SDAD1: variants seen among roughly 807,000 people sequenced by gnomAD.
SDAD1 encodes protein SDA1 homolog.
SDAD1 carries 79 observed loss-of-function variants against 100.3 expected under a neutral mutation model. The observed-to-expected ratio is 0.79, with a 90% CI of 0.66 to 0.95. The LOEUF (loss-of-function observed/expected upper bound fraction) is 0.95, where lower values mean the gene tolerates loss of function less well. SDAD1 is among the 40% of genes least tolerant of loss of function. The probability of loss-of-function intolerance (pLI) is 0.00; values close to 1 mark genes in which losing one functional copy is unlikely to be tolerated. For missense variants in SDAD1, 790 were observed against 810.9 expected (o/e 0.97, Z 0.31); for synonymous variants, 267 against 271.4 (o/e 0.98, Z 0.16).
At chr4:75,961,459 T>C (rs1343794548) in intron 14 of SDAD1, 151 bp from the exon 15 acceptor site, 4 of 606,326 alleles carry the variant, frequency 6.6e-6, no homozygotes, top group Non-Finnish European at 1.2e-5. Context: ...TGTTAGAGAA[T>C]GTCAGGTAGG....
At chr4:75,970,178 A>G (rs1427965357) in intron 10 of SDAD1, 131 bp downstream of exon 10, 1 of 688,112 alleles carries the variant, frequency 1.5e-6, no homozygotes, top group East Asian at 2.6e-5. Context: ...ACAACCAACT[A>G]GTAACAACTA....
intron 3 of SDAD1, among the ~76,000 whole-genome samples, chr4:75,979,140 A>G (rs1371023656): frequency 6.6e-6 from 1 of 152,024 alleles, no homozygotes; most frequent in East Asian, 1.9e-4. Flanking sequence ...TTATAATGTC[A>G]ATGAAATACA....
intron 4 of SDAD1, among the ~76,000 whole-genome samples, chr4:75,977,076 CCA>C (rs1339617557): frequency 6.6e-6 from 1 of 152,186 alleles, no homozygotes; most frequent in Admixed American, 6.6e-5. Context: ...TAGGTGTGAG[CCA>C]CAGTGTCCAG....
intron 21 of SDAD1, among the ~76,000 whole-genome samples, chr4:75,955,047 C>T (rs1456794857): frequency 6.6e-6 from 1 of 152,178 alleles, no homozygotes; most frequent in Non-Finnish European, 1.5e-5. Flanking sequence ...TTTGCTGCAA[C>T]TGTTACTGCT....
At chr4:75,970,864 C>T (rs1424082882) in intron 9 of SDAD1, among the ~76,000 whole-genome samples, 1 of 152,190 alleles carries the variant, frequency 6.6e-6, no homozygotes, top group African/African-American at 2.4e-5. Flanking sequence ...CTCCCCTTTG[C>T]CTTTCCCCAT....
At position 75,950,555 on chromosome 4, in the gene SDAD1, C is replaced by G. The variant is rs1728575283; in HGVS notation, c.*195G>C. The stretch of plus-strand genomic sequence containing the variant: ...TAAATGAAATGATTTTACATTACCA[C>G]CACTATTTACATTAACATTCCTACC... On this transcript the variant is annotated 3_prime_UTR_variant, in exon 22 of 22. Coordinates refer to ENST00000356260, the MANE Select transcript of SDAD1 (RefSeq NM_018115.4). 1 of 472,862 alleles carries G rather than the reference C, an allele frequency of 2.1e-6. No homozygotes were observed. The highest frequency in any genetic ancestry group is 3.0e-5 in the East Asian group (1 of 33,190). The allele number at this position is 472,862 out of a possible 1,614,324, so 29.3% of individuals were successfully genotyped here.
Position 75,986,888 on chromosome 4 carries a change from C to A in SDAD1, c.90+3864G>T, listed in dbSNP as rs181325969. Among the ~76,000 whole-genome samples, 33 of 152,032 alleles carry A rather than the reference C, an allele frequency of 2.2e-4. No homozygotes were observed. In the East Asian group the frequency reaches 6.4e-3, roughly 29 times the overall value. ...AAAAATCAACTGGGAATGGTGGTTG[C>A]ACACTTGTGGTCCCAGCTACCCTGG... On this transcript the variant is annotated intron_variant, in intron 1 of 21. Transcript: ENST00000356260.
rs904819997 is a variant in SDAD1, at chr4:75,990,283, C to A, written c.90+469G>T. Among the ~76,000 whole-genome samples the A allele has an allele frequency of 2.7e-5, 4 of 149,744 alleles. 1 individual carries two copies. The highest frequency in any genetic ancestry group is 7.4e-5 in the African/African-American group (3 of 40,302). On this transcript the variant is annotated intron_variant, in intron 1 of 21. Transcript: ENST00000356260. ...CCGTTGTGCTTGAGAAACCCCCCCC[C>A]CCCCTTTCCTGGCACAGTCCAGGGT... is the stretch of plus-strand genomic sequence containing the variant.
At chr4:75,965,110 A>G (rs1729462585) in intron 13 of SDAD1, among the ~76,000 whole-genome samples, 1 of 152,174 alleles carries the variant, frequency 6.6e-6, no homozygotes, top group Non-Finnish European at 1.5e-5. Flanking sequence ...AATATTGCTG[A>G]ATTCTTTTTC....
intron 13 of SDAD1, 83 bp downstream of exon 13, chr4:75,965,667 ATTATCGGGGGCAGG>A: frequency 1.1e-6 from 1 of 935,422 alleles, no homozygotes; most frequent in Non-Finnish European, 1.7e-6. Context: ...CCCACGTTGA[ATTATCGGGGGCAGG>A]TTCCCCCGAT....
chr4:75,979,825 T>G (rs1417634031), intron 3 of SDAD1, among the ~76,000 whole-genome samples: 1 of 152,050 alleles, frequency 6.6e-6, no homozygotes, highest in Non-Finnish European at 1.5e-5. Flanking sequence ...CATACACATT[T>G]TTTTCCATTT....
chr4:75,978,924 AGCTAAGATC>A (rs1416372216), intron 3 of SDAD1, among the ~76,000 whole-genome samples: 1 of 136,060 alleles, frequency 7.3e-6, no homozygotes, highest in Non-Finnish European at 1.5e-5. Flanking sequence ...GGCTGCGGTG[AGCTAAGATC>A]GTACCACTGT....
chr4:75,977,563 G>T, intron 4 of SDAD1, 83 bp downstream of exon 4: 1 of 862,518 alleles, frequency 1.2e-6, no homozygotes. Context: ...TATTAACAAT[G>T]TAAAGCATCG....
chr4:75,955,617 T>C (rs1048778069), intron 21 of SDAD1, among the ~76,000 whole-genome samples: 2 of 152,192 alleles, frequency 1.3e-5, no homozygotes, highest in Non-Finnish European at 2.9e-5. Context: ...TCAATTAATT[T>C]TGATATTATA....
chr4:75,973,303 A>G lies in SDAD1; in HGVS notation c.711+14T>C. ...TAAAAGGTAAGATTCAGAAGCAGCT[A>G]TGATTAAACTAACCTCAGATTCGGA... On this transcript the variant is annotated intron_variant, in intron 8 of 21. Coordinates refer to ENST00000356260, the MANE Select transcript of SDAD1 (RefSeq NM_018115.4). 1 of 1,598,534 alleles carries G rather than the reference A, an allele frequency of 6.3e-7. No homozygotes were observed.
In SDAD1 at chr4:75,977,712, G is replaced by A. The variant is rs752326370; in HGVS notation, c.339C>T (p.Ile113=). 2.4e-5 allele frequency: 38 copies of A among 1,613,138 alleles called. No homozygotes were observed. The highest frequency in any genetic ancestry group is 3.1e-5 in the Non-Finnish European group (37 of 1,179,620). Residue 113 remains isoleucine (I), a synonymous_variant, in exon 4 of 22, where the codon ATC becomes ATT. Transcript: ENST00000356260. ...AGAGTTCTAGCAGGCTTGATGGATT[G>A]ATGAGATTCTTATTTCTCAGCAAGA... The part of the protein sequence containing the change: ...ALILLRNKNL[I]NPSSLLELFF...
chr4:75,952,485 A>G (rs374883353), intron 21 of SDAD1, among the ~76,000 whole-genome samples: 1 of 151,844 alleles, frequency 6.6e-6, no homozygotes, highest in South Asian at 2.1e-4. Context: ...CTCCTTCCCT[A>G]TCGTATGCTT....
intron 17 of SDAD1, among the ~76,000 whole-genome samples, chr4:75,958,252 T>C (rs1231705157): frequency 6.6e-6 from 1 of 152,176 alleles, no homozygotes; most frequent in Non-Finnish European, 1.5e-5. Context: ...TAAAAAGGCA[T>C]CCTACACTGA....
intron 14 of SDAD1, among the ~76,000 whole-genome samples, chr4:75,962,565 T>C (rs1454070915): frequency 6.6e-6 from 1 of 152,200 alleles, no homozygotes; most frequent in Non-Finnish European, 1.5e-5. Context: ...CACCTATCGT[T>C]TCCTGACTTT....
Sources: gnomAD v4.1 joint callset for allele counts (sites outside exome capture counted in the v4.1 genomes callset) on GRCh38, gnomAD v4.1.1 for gene constraint, MANE v1.5 for transcripts, NCBI Gene and HGNC (gene_info 2026-07-23, HGNC 2026-07-21) for gene names.